CAMK1D: variants seen among roughly 807,000 people sequenced by gnomAD.
The protein encoded by CAMK1D is calcium/calmodulin dependent protein kinase ID.
In CAMK1D, 9 loss-of-function variants were observed where a neutral mutation model predicts 47.7. That is an observed-to-expected ratio of 0.19 (90% CI 0.11 to 0.33). The LOEUF is 0.33. Ranked by LOEUF, CAMK1D falls within the 10% of genes least tolerant of loss-of-function variation. The pLI is 1.00. For synonymous variants in CAMK1D, 184 were observed against 184.9 expected, an observed-to-expected ratio of 0.99 and a Z score of 0.04; for missense variants, 291 against 488.7, an observed-to-expected ratio of 0.60 and a Z score of 3.81.
At chr10:12,799,804 T>C (rs1489517506) in intron 6 of CAMK1D, among the ~76,000 whole-genome samples, 1 of 152,208 alleles carries the variant, frequency 6.6e-6, no homozygotes, top group East Asian at 1.9e-4. Flanking sequence ...ATCTGGCTAA[T>C]GCAGGAATCA....
intron 1 of CAMK1D, among the ~76,000 whole-genome samples, chr10:12,549,045 G>A (rs984413827): frequency 1.4e-4 from 21 of 151,770 alleles, no homozygotes; most frequent in South Asian, 4.2e-4. Flanking sequence ...TAGTAGAGAT[G>A]GGGTTTCACC....
At chr10:12,559,074 G>A (rs1836854677) in intron 2 of CAMK1D, among the ~76,000 whole-genome samples, 1 of 152,080 alleles carries the variant, frequency 6.6e-6, no homozygotes, top group African/African-American at 2.4e-5. Flanking sequence ...TTGGGAGGCT[G>A]AGGCAGGAGG....
intron 3 of CAMK1D, among the ~76,000 whole-genome samples, chr10:12,720,161 C>T (rs926199720): frequency 2.0e-5 from 3 of 152,212 alleles, no homozygotes; most frequent in African/African-American, 7.2e-5. Flanking sequence ...TGGAGGTGAA[C>T]AACAGAGCCA....
chr10:12,727,538 A>G (rs1468049438), intron 3 of CAMK1D, among the ~76,000 whole-genome samples: 1 of 152,262 alleles, frequency 6.6e-6, no homozygotes, highest in Non-Finnish European at 1.5e-5. Flanking sequence ...ATTCAGAGGC[A>G]TAAGTTACAC....
intron 1 of CAMK1D, among the ~76,000 whole-genome samples, chr10:12,351,112 C>CCCCACGCAGATCTGCAGGGGGT (rs1837342958): frequency 1.3e-5 from 2 of 152,126 alleles, no homozygotes; most frequent in Admixed American, 1.3e-4. Flanking sequence ...TTCCCCTCAC[C>CCCCACGCAGATCTGCAGGGGGT]CCCACGCAGA....
intron 3 of CAMK1D, among the ~76,000 whole-genome samples, chr10:12,674,617 T>TTC (rs398012836): frequency 1.4e-5 from 2 of 145,242 alleles, no homozygotes; most frequent in South Asian, 2.2e-4. Flanking sequence ...TTTTTTTTTT[T>TTC]CAGAATTCTG....
At chr10:12,713,609 A>T (rs1230980537) in intron 3 of CAMK1D, among the ~76,000 whole-genome samples, 1 of 152,188 alleles carries the variant, frequency 6.6e-6, no homozygotes, top group Non-Finnish European at 1.5e-5. Context: ...AGCAGGGAGA[A>T]AGGAAGAAAG....
rs559746053 is a variant in CAMK1D, at chr10:12,615,565, T to A, written c.225-51171T>A. Among the ~76,000 whole-genome samples, 51 of 106,100 alleles carry A rather than the reference T, an allele frequency of 4.8e-4. No individual in the cohort carries two copies. In the South Asian group the frequency reaches 0.016, roughly 34 times the overall value. The allele number at this position is 106,100 out of a possible 152,430, so 69.6% of individuals were successfully genotyped here. A position where few individuals can be genotyped will look rare whatever the true frequency, so the allele number is the denominator to read the frequency against. ...GTACATGTGTAGTTATGTGTGTATA[T>A]CGTGTGTGTGCGTGTGTGTAGGTGT... On this transcript the variant is annotated intron_variant, in intron 2 of 10. Transcript: ENST00000619168.
chr10:12,772,477 C>G (rs1377707231), intron 5 of CAMK1D, among the ~76,000 whole-genome samples: 1 of 152,180 alleles, frequency 6.6e-6, no homozygotes, highest in Non-Finnish European at 1.5e-5. Context: ...TAGCTACGTA[C>G]GCATCACGTG....
At chr10:12,612,420 C>T (rs575912987) in intron 2 of CAMK1D, among the ~76,000 whole-genome samples, 1 of 150,066 alleles carries the variant, frequency 6.7e-6, no homozygotes, top group Non-Finnish European at 1.5e-5. Flanking sequence ...TAACTCACTG[C>T]ATCCTCAAAC....
At chr10:12,370,861 G>T (rs1837982642) in intron 1 of CAMK1D, among the ~76,000 whole-genome samples, 1 of 152,088 alleles carries the variant, frequency 6.6e-6, no homozygotes, top group Admixed American at 6.6e-5. Context: ...ACCCACCTCG[G>T]CCTCCCAAAG....
intron 1 of CAMK1D, among the ~76,000 whole-genome samples, chr10:12,526,984 A>C (rs375760527): frequency 6.6e-6 from 1 of 151,996 alleles, no homozygotes; most frequent in Non-Finnish European, 1.5e-5. Flanking sequence ...CAGGAGTTTG[A>C]GAGCAGCCTA....
intron 3 of CAMK1D, among the ~76,000 whole-genome samples, chr10:12,696,524 G>A (rs1047780823): frequency 2.0e-5 from 3 of 152,124 alleles, no homozygotes; most frequent in South Asian, 2.1e-4. Flanking sequence ...GCAACAGAGC[G>A]AGACTCCATC....
At chr10:12,540,445 A>G in intron 1 of CAMK1D, among the ~76,000 whole-genome samples, 1 of 152,230 alleles carries the variant, frequency 6.6e-6, no homozygotes, top group Non-Finnish European at 1.5e-5. Context: ...AGAGTGTGGC[A>G]GTAGGCACTC....
At position 12,828,826 on chromosome 10, in the gene CAMK1D, T is replaced by C. The variant is rs771212787; in HGVS notation, c.1097T>C (p.Val366Ala). The C allele has an allele frequency of 2.5e-5, 40 of 1,613,486 alleles. No homozygotes were observed. In the South Asian group the frequency reaches 2.5e-4, roughly 10 times the overall value. ...FISSSSGVSG[V>A]GAERRPRPTT... ...TCTTCTTCGTCGGGGGTCTCAGGAG[T>C]TGGAGCCGAGCGGAGACCCAGGCCC... is the stretch of plus-strand genomic sequence containing the variant. Residue 366 changes from valine (V) to alanine (A), a missense_variant, in exon 11 of 11, where the codon GTT (valine) becomes GCT (alanine). By Grantham distance (64) the Val-to-Ala change is moderately conservative (BLOSUM62 0). Transcript: ENST00000619168.
In CAMK1D at chr10:12,376,532, G is replaced by T. The variant is rs2724778; in HGVS notation, c.92+26622G>T. On this transcript the variant is annotated intron_variant, in intron 1 of 10. Coordinates refer to ENST00000619168, the MANE Select transcript of CAMK1D (RefSeq NM_153498.4). ...GCCGCCAGGGGCACCTTCATGTGTT[G>T]GTGTGAAGGGTCTTTGTTAGTTTAT... Among the ~76,000 whole-genome samples the T allele has an allele frequency of 3.3e-5, 5 of 152,112 alleles. No individual in the cohort carries two copies. In the East Asian group the frequency reaches 9.7e-4, roughly 30 times the overall value.
intron 1 of CAMK1D, among the ~76,000 whole-genome samples, chr10:12,403,178 G>T (rs754176000): frequency 1.3e-5 from 2 of 152,232 alleles, no homozygotes; most frequent in Non-Finnish European, 2.9e-5. Context: ...TGAGGACCAC[G>T]TTGGACACGT....
chr10:12,752,634 C>G (rs1377356997), intron 3 of CAMK1D, among the ~76,000 whole-genome samples: 2 of 152,200 alleles, frequency 1.3e-5, no homozygotes, highest in African/African-American at 2.4e-5. Flanking sequence ...CCCATTAAAA[C>G]TGAACAAAGG....
intron 1 of CAMK1D, among the ~76,000 whole-genome samples, chr10:12,523,921 G>C (rs111239157): frequency 6.6e-6 from 1 of 151,496 alleles, no homozygotes; most frequent in South Asian, 2.1e-4. Context: ...ATTTTTTTGA[G>C]ATGGAGTCTC....
Sources: allele counts gnomAD v4.1 joint callset (sites outside exome capture counted in the v4.1 genomes callset), GRCh38; gene constraint gnomAD v4.1.1; transcripts MANE v1.5; gene names NCBI Gene and HGNC (gene_info 2026-07-23, HGNC 2026-07-21).